GDAP1L1: variants seen among roughly 807,000 people sequenced by gnomAD.
The protein encoded by GDAP1L1 is ganglioside-induced differentiation-associated protein 1-like 1.
In GDAP1L1, 21 loss-of-function variants were observed where a neutral mutation model predicts 37.1. That is an observed-to-expected ratio of 0.57 (90% CI 0.40 to 0.81). The LOEUF (loss-of-function observed/expected upper bound fraction) is 0.81, where lower values mean the gene tolerates loss of function less well. Among genes scored for constraint, GDAP1L1 ranks in the 40% least tolerant of loss-of-function variants. The pLI, the probability that GDAP1L1 is intolerant of heterozygous loss-of-function variation, is 0.00. For missense variants in GDAP1L1, 362 were observed against 491.6 expected, an observed-to-expected ratio of 0.74 and a Z score of 2.49; for synonymous variants, 193 against 209.1, an observed-to-expected ratio of 0.92 and a Z score of 0.67.
chr20:44,247,427 C>T lies in GDAP1L1; in HGVS notation c.93C>T (p.Pro31=). The T allele has an allele frequency of 1.2e-6, 2 of 1,610,068 alleles. No individual in the cohort carries two copies. The highest frequency in any genetic ancestry group is 4.5e-5 in the East Asian group (2 of 44,618). The change falls in exon 1 of 6, where the codon CCC becomes CCT. Residue 31 remains proline (P), a synonymous_variant. Coordinates refer to ENST00000342560, the MANE Select transcript of GDAP1L1 (RefSeq NM_024034.6). ...ESDAAKPAEA[P]DAPEAASPAH... ...ATGCGGCCAAGCCAGCGGAGGCCCC[C>T]GACGCTCCCGAGGCGGCCAGCCCCG...
intron 5 of GDAP1L1, among the ~76,000 whole-genome samples, chr20:44,275,536 G>A (rs376521057): frequency 2.8e-4 from 43 of 152,246 alleles, no homozygotes; most frequent in South Asian, 1.7e-3. Flanking sequence ...AGAGCATTCC[G>A]GGCATGGGGT....
In GDAP1L1 at chr20:44,257,023, T is replaced by C. The variant is rs899561363; in HGVS notation, c.181-130T>C. The C allele has an allele frequency of 5.1e-6, 5 of 974,742 alleles. No individual in the cohort carries two copies. In the African/African-American group the frequency reaches 6.6e-5, roughly 13 times the overall value. The allele number at this position is 974,742 out of a possible 1,614,324, so 60.4% of individuals were successfully genotyped here. Reference sequence around the variant, plus strand: ...CCCCCCAAACCCAGGTGCCCAAGAATGGGCTGAAAGCAATCGTGTCCCCTC... The same window carrying C: ...CCCCCCAAACCCAGGTGCCCAAGAACGGGCTGAAAGCAATCGTGTCCCCTC... On this transcript the variant is annotated intron_variant, in intron 1 of 5. Transcript: ENST00000342560.
intron 1 of GDAP1L1, among the ~76,000 whole-genome samples, chr20:44,252,641 A>AAAAC (rs749807369): frequency 1.4e-4 from 22 of 152,216 alleles, no homozygotes; most frequent in South Asian, 2.1e-4. Flanking sequence ...ACTCAAGCTC[A>AAAAC]AAACAAACAA....
At chr20:44,271,349 G>A (rs572153274) in intron 5 of GDAP1L1, among the ~76,000 whole-genome samples, 1 of 152,330 alleles carries the variant, frequency 6.6e-6, no homozygotes, top group East Asian at 1.9e-4. Context: ...CTGAGGAGTG[G>A]CCAGTGAAGT....
intron 5 of GDAP1L1, among the ~76,000 whole-genome samples, chr20:44,274,942 G>T (rs1297679418): frequency 1.3e-5 from 2 of 152,152 alleles, no homozygotes. Context: ...ACCCAGGCTG[G>T]AGTGCGGTGG....
intron 1 of GDAP1L1, among the ~76,000 whole-genome samples, chr20:44,253,243 T>C (rs1199668186): frequency 3.9e-5 from 6 of 152,206 alleles, no homozygotes; most frequent in Non-Finnish European, 5.9e-5. Flanking sequence ...GCAGGGATCA[T>C]TGTTTTGTTC....
At chr20:44,256,053 C>A (rs2073535278) in intron 1 of GDAP1L1, among the ~76,000 whole-genome samples, 1 of 152,172 alleles carries the variant, frequency 6.6e-6, no homozygotes, top group Non-Finnish European at 1.5e-5. Flanking sequence ...AAGGGGCAGG[C>A]CCAGAACTCC....
intron 5 of GDAP1L1, among the ~76,000 whole-genome samples, chr20:44,276,405 A>AAAG (rs2062575761): frequency 2.9e-5 from 4 of 138,378 alleles, no homozygotes; most frequent in African/African-American, 1.1e-4. Context: ...AAGGGAAAGA[A>AAAG]AAAAGAAAAA....
At chr20:44,267,626 A>T (rs2062468635) in intron 5 of GDAP1L1, among the ~76,000 whole-genome samples, 1 of 151,890 alleles carries the variant, frequency 6.6e-6, no homozygotes, top group Non-Finnish European at 1.5e-5. Flanking sequence ...GAAAAAAAAA[A>T]AAAAAGGCAG....
Position 44,258,523 on chromosome 20 carries a change from G to C in GDAP1L1, c.463G>C (p.Asp155His). The change falls in exon 3 of 6, where the codon GAT becomes CAT. Residue 155 changes from aspartate (D) to histidine (H), a missense_variant. Transcript: ENST00000342560. Reference protein sequence around the residue: ...YRELLDALPMDAYTHGCILHP... With the variant: ...YRELLDALPMHAYTHGCILHP... ...GGAGCTGCTGGACGCACTGCCCATGGATGCCTACACGCATGGCTGCATCCT... is the reference window on the plus strand; with the variant it reads ...GGAGCTGCTGGACGCACTGCCCATGCATGCCTACACGCATGGCTGCATCCT... 2 of 1,577,936 alleles carry C rather than the reference G, an allele frequency of 1.3e-6. No homozygotes were observed. Among genetic ancestry groups the C allele is most frequent in the Non-Finnish European group, 1.7e-6 (2 of 1,162,490 alleles).
Position 44,280,169 on chromosome 20 carries a change from C to A in GDAP1L1, c.*869C>A, listed in dbSNP as rs8122493. On this transcript the variant is annotated 3_prime_UTR_variant, in exon 6 of 6. Coordinates refer to ENST00000342560, the MANE Select transcript of GDAP1L1 (RefSeq NM_024034.6). ...TGTCCAAGCCATCTCCTTCAATATC[C>A]CCCCCTTCCTGTCACTCCCGGGGCT... 0.011 allele frequency: 2,609 copies of A among 237,774 alleles called. 74 individuals carry two copies. The highest frequency in any genetic ancestry group is 0.055 in the African/African-American group (2,438 of 44,266). The allele number at this position is 237,774 out of a possible 1,614,324, so 14.7% of individuals were successfully genotyped here.
At chr20:44,276,460 G>GAAAGAAAGAAAGAGAGAA (rs371944330) in intron 5 of GDAP1L1, among the ~76,000 whole-genome samples, 2 of 150,608 alleles carry the variant, frequency 1.3e-5, no homozygotes, top group African/African-American at 4.9e-5. Flanking sequence ...AAGAAAGAAA[G>GAAAGAAAGAAAGAGAGAA]AAAGAAAAAG....
At chr20:44,264,409 C>T in intron 4 of GDAP1L1, 36 bp from the exon 5 acceptor site, 1 of 1,445,962 alleles carries the variant, frequency 6.9e-7, no homozygotes, top group Non-Finnish European at 9.1e-7. Context: ...TCTATTGAGG[C>T]CAACTCAGCT....
intron 3 of GDAP1L1, 57 bp downstream of exon 3, chr20:44,258,664 TCTTCC>T: frequency 7.6e-7 from 1 of 1,324,490 alleles, no homozygotes; most frequent in Non-Finnish European, 1.1e-6. Context: ...GCCGCTCCTT[TCTTCC>T]AAAGGATGTC....
Position 44,257,306 on chromosome 20 carries a change from G to A in GDAP1L1, c.334G>A (p.Asp112Asn), listed in dbSNP as rs1201777465. 6.2e-7 allele frequency: 1 copy of A among 1,614,014 alleles called. No homozygotes were observed. Among genetic ancestry groups the A allele is most frequent in the Non-Finnish European group, 8.5e-7 (1 of 1,179,978 alleles). ...IHRDNIISDY[D>N]QIIDYVERTF... Reference sequence around the variant, plus strand: ...CCGCGACAACATCATCAGTGACTATGACCAGATCATTGACTATGTGGAGCG... The same window carrying A: ...CCGCGACAACATCATCAGTGACTATAACCAGATCATTGACTATGTGGAGCG... Residue 112 changes from aspartate (D) to asparagine (N), a missense_variant, in exon 2 of 6, where the codon GAC becomes AAC. Transcript: ENST00000342560.
chr20:44,279,502 A>G lies in GDAP1L1; in HGVS notation c.*202A>G, dbSNP rs12479863. 100,568 of 707,700 alleles carry G rather than the reference A, an allele frequency of 0.14. 8,097 individuals carry two copies. Among genetic ancestry groups the G allele is most frequent in the Middle Eastern group, 0.22 (966 of 4,328 alleles). 43.8% of individuals were successfully genotyped at this position (707,700 alleles called of 1,614,324 possible). On this transcript the variant is annotated 3_prime_UTR_variant, in exon 6 of 6. Coordinates refer to ENST00000342560, the MANE Select transcript of GDAP1L1 (RefSeq NM_024034.6). Reference sequence around the variant, plus strand: ...TGCTGTGACTCAAGGCCACGGCTCTACTAAAAGAGAGAGAGGAAGCGAGAG... The same window carrying G: ...TGCTGTGACTCAAGGCCACGGCTCTGCTAAAAGAGAGAGAGGAAGCGAGAG...
In GDAP1L1 at chr20:44,258,569, A is replaced by G; in HGVS notation, c.509A>G (p.Asp170Gly). 6.3e-7 allele frequency: 1 copy of G among 1,599,732 alleles called. No individual in the cohort carries two copies. Among genetic ancestry groups the G allele is most frequent in the Non-Finnish European group, 8.5e-7 (1 of 1,174,184 alleles). The change falls in exon 3 of 6, where the codon GAC becomes GGC. Residue 170 changes from aspartate (D) to glycine (G), a missense_variant. Around this residue, in one of 2 missense-constraint regions of GDAP1L1, gnomAD observed 277 missense variants for 337.1 expected, o/e 0.82. Coordinates refer to ENST00000342560, the MANE Select transcript of GDAP1L1 (RefSeq NM_024034.6). Reference sequence around the variant, plus strand: ...ATCCTGCATCCCGAGCTCACCACCGACTCCATGATCCCCAAGTACGCCACG... The same window carrying G: ...ATCCTGCATCCCGAGCTCACCACCGGCTCCATGATCCCCAAGTACGCCACG... ...GCILHPELTT[D>G]SMIPKYATAE... is the part of the protein sequence containing the mutation.
intron 5 of GDAP1L1, among the ~76,000 whole-genome samples, chr20:44,278,084 G>A (rs1405995479): frequency 1.3e-5 from 2 of 149,866 alleles, no homozygotes; most frequent in Non-Finnish European, 3.0e-5. Flanking sequence ...AACCTGGGAG[G>A]TAGAAGTTGC....
At chr20:44,264,264 G>A (rs1034819592) in intron 4 of GDAP1L1, among the ~76,000 whole-genome samples, 181 bp from the exon 5 acceptor site, 9 of 151,936 alleles carry the variant, frequency 5.9e-5, no homozygotes, top group African/African-American at 2.2e-4. Flanking sequence ...GGACAGCCAA[G>A]CTCACAGGAC....
Sources: gnomAD v4.1 joint callset for allele counts (sites outside exome capture counted in the v4.1 genomes callset) on GRCh38, gnomAD v4.1.1 for gene constraint, gnomAD v4.1.1 regional missense constraint, MANE v1.5 for transcripts, NCBI Gene and HGNC (gene_info 2026-07-23, HGNC 2026-07-21) for gene names.